Variants in TIAM1 observed in about 807,000 individuals in gnomAD.
TIAM1 encodes the protein TIAM Rac1 associated GEF 1, also known as rho guanine nucleotide exchange factor TIAM1.
In TIAM1, 65 loss-of-function variants were observed where a neutral mutation model predicts 163.5. That is an observed-to-expected ratio of 0.40 (90% CI 0.33 to 0.49). TIAM1 has a LOEUF of 0.49. Among genes scored for constraint, TIAM1 ranks in the 20% least tolerant of loss-of-function variants. The pLI is 0.77. For synonymous variants in TIAM1, 833 were observed against 810.1 expected, an observed-to-expected ratio of 1.03 and a Z score of -0.48; for missense variants, 1,789 against 2,044.7, an observed-to-expected ratio of 0.87 and a Z score of 2.41.
chr21:31,290,646 CAAAAAAAAA>C (rs200030849), intron 2 of TIAM1, among the ~76,000 whole-genome samples: 35 of 63,208 alleles, frequency 5.5e-4, no homozygotes, highest in Admixed American at 9.9e-4. Context: ...GACTCTATCT[CAAAAAAAAA>C]AAAAAAAAAA....
chr21:31,146,211 T>A (rs2083097936), intron 20 of TIAM1, among the ~76,000 whole-genome samples: 1 of 152,042 alleles, frequency 6.6e-6, no homozygotes, highest in Non-Finnish European at 1.5e-5. Flanking sequence ...GGTGGGCGGA[T>A]CACCTGAGGT....
chr21:31,196,135 T>A (rs1272484887), intron 12 of TIAM1, among the ~76,000 whole-genome samples: 1 of 152,108 alleles, frequency 6.6e-6, no homozygotes, highest in Non-Finnish European at 1.5e-5. Flanking sequence ...AGATAAGACA[T>A]ATATGTGGCC....
At chr21:31,151,942 G>C (rs536957252) in intron 19 of TIAM1, among the ~76,000 whole-genome samples, 1 of 151,554 alleles carries the variant, frequency 6.6e-6, no homozygotes, top group East Asian at 1.9e-4. Flanking sequence ...CTTTCCCCTG[G>C]ATAATGATAA....
At chr21:31,352,029 C>G (rs1481770173) in intron 2 of TIAM1, among the ~76,000 whole-genome samples, 1 of 151,334 alleles carries the variant, frequency 6.6e-6, no homozygotes, top group Non-Finnish European at 1.5e-5. Flanking sequence ...GATCACACCA[C>G]TGTACTCCAA....
chr21:31,521,933 G>A (rs1203649443), intron 1 of TIAM1, among the ~76,000 whole-genome samples: 9 of 152,086 alleles, frequency 5.9e-5, no homozygotes, highest in African/African-American at 2.2e-4. Flanking sequence ...GTGCAGTTGT[G>A]CCATCTCGGC....
intron 20 of TIAM1, among the ~76,000 whole-genome samples, chr21:31,143,053 G>A (rs1308182338): frequency 3.3e-5 from 5 of 152,194 alleles, no homozygotes; most frequent in Non-Finnish European, 7.3e-5. Context: ...CTGGGCTGGT[G>A]AGCACCTGGG....
rs112675784 is a variant in TIAM1 at position 31,538,386 on chromosome 21, T to A, written c.-422+20541A>T. Among the ~76,000 whole-genome samples, 90 of 152,268 alleles carry A rather than the reference T, an allele frequency of 5.9e-4. 2 individuals carry two copies. In the South Asian group the frequency reaches 0.016, roughly 27 times the overall value. ...AGTGAGACCCTGTCTCTATAAAAAA[T>A]TTTTTAAATAGCCGGGTGTCATGGC... On this transcript the variant is annotated intron_variant, in intron 1 of 28. Transcript: ENST00000286827.
chr21:31,445,671 A>C (rs73358847), intron 2 of TIAM1, among the ~76,000 whole-genome samples: 2,793 of 152,256 alleles, frequency 0.018, 91 homozygotes, highest in African/African-American at 0.064. Context: ...CTTCATCAGG[A>C]GACCCAGGAG....
intron 8 of TIAM1, among the ~76,000 whole-genome samples, chr21:31,222,958 T>C (rs936130871): frequency 1.1e-4 from 17 of 151,762 alleles, no homozygotes; most frequent in African/African-American, 3.9e-4. Flanking sequence ...CCTCAGGTGA[T>C]CCACCTGCGT....
intron 2 of TIAM1, among the ~76,000 whole-genome samples, chr21:31,361,837 TTAGATAGATAGATAGATAGATAGA>T (rs75126984): frequency 6.8e-6 from 1 of 147,596 alleles, no homozygotes; most frequent in Non-Finnish European, 1.5e-5. Context: ...GGAAGAAAGA[TTAGATAGATAGATAGATAGATAGA>T]TAGATAGATA....
chr21:31,295,271 C>T (rs530817893), intron 2 of TIAM1, among the ~76,000 whole-genome samples: 4 of 152,068 alleles, frequency 2.6e-5, no homozygotes, highest in African/African-American at 7.2e-5. Context: ...GAAATCGAGA[C>T]CATCCCGGCT....
At chr21:31,441,161 C>G (rs2044405103) in intron 2 of TIAM1, among the ~76,000 whole-genome samples, 1 of 152,178 alleles carries the variant, frequency 6.6e-6, no homozygotes, top group Non-Finnish European at 1.5e-5. Flanking sequence ...CAATTTCTCT[C>G]TTCATCTTAG....
At chr21:31,179,184 C>T (rs927859061) in intron 15 of TIAM1, among the ~76,000 whole-genome samples, 8 of 151,446 alleles carry the variant, frequency 5.3e-5, no homozygotes, top group African/African-American at 9.7e-5. Context: ...TTCGGGAGTT[C>T]GAGACCAGCC....
intron 2 of TIAM1, among the ~76,000 whole-genome samples, chr21:31,329,208 T>G (rs1256378440): frequency 1.3e-5 from 2 of 152,218 alleles, no homozygotes; most frequent in African/African-American, 4.8e-5. Context: ...GTATCCAGAA[T>G]GTCAGTTCCC....
chr21:31,152,331 C>T (rs568554960), intron 19 of TIAM1, among the ~76,000 whole-genome samples: 1 of 152,324 alleles, frequency 6.6e-6, no homozygotes, highest in East Asian at 1.9e-4. Flanking sequence ...CCATGCCCAG[C>T]CAGGAGTGCC....
At chr21:31,506,261 T>TAC (rs112908703) in intron 1 of TIAM1, among the ~76,000 whole-genome samples, 183 of 148,606 alleles carry the variant, frequency 1.2e-3, no homozygotes, top group African/African-American at 2.1e-3. Flanking sequence ...CTCACACACG[T>TAC]ACACACACAC....
At chr21:31,373,548 C>T (rs1053328679) in intron 2 of TIAM1, among the ~76,000 whole-genome samples, 10 of 152,134 alleles carry the variant, frequency 6.6e-5, no homozygotes, top group African/African-American at 2.2e-4. Flanking sequence ...ATATCATGCT[C>T]ATATAACAAA....
At chr21:31,251,152 A>C (rs1327765044) in intron 5 of TIAM1, among the ~76,000 whole-genome samples, 2 of 151,796 alleles carry the variant, frequency 1.3e-5, no homozygotes, top group African/African-American at 4.8e-5. Flanking sequence ...ATGAGTCCAA[A>C]AAGATTTGGT....
At chr21:31,423,871 G>C (rs1352391381) in intron 2 of TIAM1, among the ~76,000 whole-genome samples, 5 of 122,248 alleles carry the variant, frequency 4.1e-5, no homozygotes, top group Non-Finnish European at 8.5e-5. Flanking sequence ...GGCGGGGGGG[G>C]GGTCAAGGGA....
Sources: gnomAD v4.1 joint callset for allele counts (sites outside exome capture counted in the v4.1 genomes callset) on GRCh38, gnomAD v4.1.1 for gene constraint, MANE v1.5 for transcripts, NCBI Gene and HGNC (gene_info 2026-07-23, HGNC 2026-07-21) for gene names.